Variants in IL1RAPL1 observed in about 807,000 individuals in gnomAD.
IL1RAPL1 encodes interleukin-1 receptor accessory protein-like 1.
A neutral mutation model predicts 48.4 loss-of-function variants in IL1RAPL1; 3 were observed. That is an observed-to-expected ratio of 0.06 (90% CI 0.03 to 0.16). The LOEUF (loss-of-function observed/expected upper bound fraction) is 0.16, where lower values mean the gene tolerates loss of function less well. Ranked by LOEUF, IL1RAPL1 falls within the 10% of genes least tolerant of loss-of-function variation. The probability of loss-of-function intolerance (pLI) is 1.00; values close to 1 mark genes in which losing one functional copy is unlikely to be tolerated. For missense variants in IL1RAPL1, 349 were observed against 530.6 expected (o/e 0.66, Z 3.36); for synonymous variants, 185 against 187.7 (o/e 0.99, Z 0.12).
chrX:29,315,701 A>G (rs1932767691), intron 3 of IL1RAPL1, among the ~76,000 whole-genome samples: 1 of 111,811 alleles, frequency 8.9e-6, no homozygotes, highest in African/African-American at 3.2e-5. Context: ...AGGTTACAGA[A>G]GGTAATTTTA....
intron 6 of IL1RAPL1, among the ~76,000 whole-genome samples, chrX:29,761,339 A>AC (rs1439695194): frequency 4.5e-5 from 5 of 110,280 alleles, no homozygotes; most frequent in African/African-American, 1.6e-4. Flanking sequence ...AGTATATGAC[A>AC]CCCCCCCACC....
At chrX:29,855,263 G>C (rs1429572975) in intron 6 of IL1RAPL1, among the ~76,000 whole-genome samples, 3 of 112,053 alleles carry the variant, frequency 2.7e-5, no homozygotes, top group Non-Finnish European at 5.6e-5. Flanking sequence ...TGAGACAAAT[G>C]GTAGGCATCT....
At chrX:29,811,982 A>G (rs1444712146) in intron 6 of IL1RAPL1, among the ~76,000 whole-genome samples, 1 of 111,809 alleles carries the variant, frequency 8.9e-6, no homozygotes, top group Admixed American at 9.6e-5. Flanking sequence ...GATGAACAAT[A>G]GATCATCTAC....
chrX:29,289,068 TG>T (rs1224076923), intron 3 of IL1RAPL1, among the ~76,000 whole-genome samples: 3 of 112,164 alleles, frequency 2.7e-5, no homozygotes, highest in African/African-American at 9.7e-5. Context: ...ATTAGACCTT[TG>T]TCAAGTGGAC....
chrX:29,552,370 A>C (rs192374429), intron 5 of IL1RAPL1, among the ~76,000 whole-genome samples: 1 of 110,818 alleles, frequency 9.0e-6, no homozygotes, highest in Non-Finnish European at 1.9e-5. Flanking sequence ...GTTTTAACTT[A>C]TTTTTCAGGA....
chrX:28,723,703 T>A (rs1461758194), intron 1 of IL1RAPL1, among the ~76,000 whole-genome samples: 1 of 112,028 alleles, frequency 8.9e-6, no homozygotes, highest in Non-Finnish European at 1.9e-5. Context: ...CAATTTTAGA[T>A]CTTTCCTGCT....
intron 2 of IL1RAPL1, among the ~76,000 whole-genome samples, chrX:29,279,322 G>C (rs746841078): frequency 9.0e-6 from 1 of 111,049 alleles, no homozygotes; most frequent in African/African-American, 3.3e-5. Context: ...TGTAGTCCCA[G>C]CTAGTCAGGA....
At chrX:29,703,477 G>A (rs1362998286) in intron 6 of IL1RAPL1, among the ~76,000 whole-genome samples, 1 of 110,210 alleles carries the variant, frequency 9.1e-6, no homozygotes, top group Non-Finnish European at 1.9e-5. Flanking sequence ...CAAGTAGCTG[G>A]GACTACAGGC....
intron 1 of IL1RAPL1, among the ~76,000 whole-genome samples, chrX:28,713,127 C>T (rs2146935868): frequency 9.0e-6 from 1 of 110,500 alleles, no homozygotes; most frequent in South Asian, 3.9e-4. Flanking sequence ...GATCTCGGCT[C>T]ACTGCAAACT....
At chrX:28,979,022 G>C (rs1601991544) in intron 2 of IL1RAPL1, among the ~76,000 whole-genome samples, 2 of 111,867 alleles carry the variant, frequency 1.8e-5, no homozygotes, top group Non-Finnish European at 3.8e-5. Context: ...TTATAACTGA[G>C]TTTCTAACAA....
rs182207719 is a variant in IL1RAPL1, at chrX:29,836,597, C to G, written c.779-80867C>G. Among the ~76,000 whole-genome samples, 53 of 111,957 alleles carry G rather than the reference C, an allele frequency of 4.7e-4. No homozygotes were observed. The East Asian group carries it at 0.013, about 28-fold the overall frequency. ...TATGGTTTGATTTCCATGTATTTTT[C>G]AGGTTTCCAAAGTTCCTCCTGTTAT... On this transcript the variant is annotated intron_variant, in intron 6 of 10. Transcript: ENST00000378993.
intron 5 of IL1RAPL1, among the ~76,000 whole-genome samples, chrX:29,507,493 C>T (rs184123856): frequency 0.011 from 920 of 87,502 alleles, 27 homozygotes; most frequent in African/African-American, 0.039. Context: ...CACCCTTGAC[C>T]TCCCGGGCTC....
intron 2 of IL1RAPL1, among the ~76,000 whole-genome samples, chrX:29,216,519 T>G (rs1198969903): frequency 9.0e-6 from 1 of 111,355 alleles, no homozygotes; most frequent in Admixed American, 9.6e-5. Context: ...TCTACAGCAG[T>G]GATTTTCAAA....
rs187606825 is a variant in IL1RAPL1 at position 29,130,672 on chromosome X, G to A, written c.83-152266G>A. On this transcript the variant is annotated intron_variant, in intron 2 of 10. Coordinates refer to ENST00000378993, the MANE Select transcript of IL1RAPL1 (RefSeq NM_014271.4). ...CTTGGACTAAGATACAAAATTTACA[G>A]TTAAATTTGGTATTTGCCATCATAA... is the stretch of plus-strand genomic sequence containing the variant. Among the ~76,000 whole-genome samples, 12 of 111,810 alleles carry A rather than the reference G, an allele frequency of 1.1e-4. No homozygotes were observed. The East Asian group carries it at 3.1e-3, about 29-fold the overall frequency.
intron 5 of IL1RAPL1, among the ~76,000 whole-genome samples, chrX:29,632,161 T>G (rs1414133871): frequency 9.1e-6 from 1 of 109,913 alleles, no homozygotes; most frequent in Non-Finnish European, 1.9e-5. Context: ...ACTTTTTTTT[T>G]TTTTTGAGAC....
intron 2 of IL1RAPL1, among the ~76,000 whole-genome samples, chrX:28,957,727 C>T (rs975567265): frequency 4.6e-5 from 5 of 109,128 alleles, no homozygotes; most frequent in African/African-American, 1.0e-4. Context: ...TTTGGGAGGC[C>T]GAGGGGGGTG....
chrX:28,811,173 A>G (rs780577728), intron 2 of IL1RAPL1, among the ~76,000 whole-genome samples: 133 of 110,825 alleles, frequency 1.2e-3, no homozygotes, highest in Non-Finnish European at 2.1e-3. Context: ...AATTATTTCA[A>G]CTTAAATAAT....
In IL1RAPL1 at chrX:29,161,689, C is replaced by T. The variant is rs553955046; in HGVS notation, c.83-121249C>T. Among the ~76,000 whole-genome samples, 49 of 112,075 alleles carry T rather than the reference C, an allele frequency of 4.4e-4. No individual in the cohort carries two copies. The South Asian group carries it at 0.018, about 42-fold the overall frequency. Reference sequence around the variant, plus strand: ...TGGAGCCAGTTGTAAAGATTTAGTTCAGTTAATAAATATCTGTTGAGATGC... The same window carrying T: ...TGGAGCCAGTTGTAAAGATTTAGTTTAGTTAATAAATATCTGTTGAGATGC... On this transcript the variant is annotated intron_variant, in intron 2 of 10. Coordinates refer to ENST00000378993, the MANE Select transcript of IL1RAPL1 (RefSeq NM_014271.4).
chrX:29,871,488 G>A (rs964866619), intron 6 of IL1RAPL1, among the ~76,000 whole-genome samples: 11 of 112,178 alleles, frequency 9.8e-5, no homozygotes, highest in African/African-American at 3.6e-4. Flanking sequence ...TGTAGACTGT[G>A]ATACTCTTCA....
Sources: gnomAD v4.1 joint callset for allele counts (sites outside exome capture counted in the v4.1 genomes callset) on GRCh38, gnomAD v4.1.1 for gene constraint, MANE v1.5 for transcripts, NCBI Gene and HGNC (gene_info 2026-07-23, HGNC 2026-07-21) for gene names.